Variants in TRIM24 observed in about 807,000 individuals in gnomAD.
TRIM24 encodes tripartite motif containing 24.
TRIM24 carries 29 observed loss-of-function variants against 123.9 expected under a neutral mutation model. The observed-to-expected ratio is 0.23, with a 90% CI of 0.17 to 0.32. The LOEUF (loss-of-function observed/expected upper bound fraction) is 0.32, where lower values mean the gene tolerates loss of function less well. Among genes scored for constraint, TRIM24 ranks in the 10% least tolerant of loss-of-function variants. The pLI is 1.00. For missense variants in TRIM24, 932 were observed against 1,295.3 expected, an observed-to-expected ratio of 0.72 and a Z score of 4.31; for synonymous variants, 456 against 461.1, an observed-to-expected ratio of 0.99 and a Z score of 0.14.
chr7:138,535,623 A>G (rs1796852871), intron 6 of TRIM24, among the ~76,000 whole-genome samples: 2 of 152,136 alleles, frequency 1.3e-5, no homozygotes, highest in Admixed American at 1.3e-4. Context: ...GGGTAAACCG[A>G]TCTTTCTCTC....
intron 1 of TRIM24, among the ~76,000 whole-genome samples, chr7:138,492,581 A>G (rs1795818270): frequency 6.6e-6 from 1 of 152,156 alleles, no homozygotes; most frequent in Admixed American, 6.5e-5. Flanking sequence ...ACCAGAATCA[A>G]CTTGCAGTCT....
intron 1 of TRIM24, among the ~76,000 whole-genome samples, chr7:138,474,360 C>T (rs570898255): frequency 1.5e-4 from 22 of 151,384 alleles, no homozygotes; most frequent in African/African-American, 5.1e-4. Flanking sequence ...CTCCTGACCT[C>T]GTGATCTACC....
intron 4 of TRIM24, among the ~76,000 whole-genome samples, chr7:138,523,993 C>T (rs1046847731): frequency 1.3e-5 from 2 of 152,068 alleles, no homozygotes; most frequent in Middle Eastern, 6.8e-3. Context: ...CCTTAAATCT[C>T]GTAGTATTGT....
chr7:138,492,833 G>T (rs1222303267), intron 1 of TRIM24, among the ~76,000 whole-genome samples: 2 of 152,148 alleles, frequency 1.3e-5, no homozygotes, highest in African/African-American at 2.4e-5. Flanking sequence ...AAGTTTTTAG[G>T]TATTAATTAT....
chr7:138,581,635 A>T, intron 16 of TRIM24, 62 bp from the exon 17 acceptor site: 1 of 1,400,424 alleles, frequency 7.1e-7, no homozygotes, highest in Non-Finnish European at 9.9e-7. Context: ...TGTTATTTAA[A>T]ATAAGCTGTG....
intron 8 of TRIM24, among the ~76,000 whole-genome samples, chr7:138,553,152 G>C (rs2116633567): frequency 6.6e-6 from 1 of 152,232 alleles, no homozygotes; most frequent in East Asian, 1.9e-4. Flanking sequence ...TTTACTGTAG[G>C]ATTTCTTAGA....
intron 1 of TRIM24, among the ~76,000 whole-genome samples, chr7:138,482,739 A>G (rs1795556626): frequency 6.6e-6 from 1 of 152,158 alleles, no homozygotes; most frequent in Non-Finnish European, 1.5e-5. Context: ...CCTGGTAAAT[A>G]TAAATACAAA....
intron 1 of TRIM24, among the ~76,000 whole-genome samples, chr7:138,463,984 T>G (rs1157643208): frequency 7.7e-6 from 1 of 129,698 alleles, no homozygotes; most frequent in African/African-American, 3.0e-5. Flanking sequence ...AAGCAAAAAT[T>G]TAGACTTTTT....
chr7:138,468,413 T>C (rs1795198743), intron 1 of TRIM24, among the ~76,000 whole-genome samples: 2 of 152,338 alleles, frequency 1.3e-5, no homozygotes, highest in Middle Eastern at 3.4e-3. Context: ...GAAATGTTCT[T>C]TGCTTCCTAT....
intron 2 of TRIM24, among the ~76,000 whole-genome samples, chr7:138,508,680 TGTGTGTGTGTGTGCGC>T: frequency 1.0e-5 from 1 of 97,110 alleles, no homozygotes; most frequent in East Asian, 2.3e-4. Flanking sequence ...TGTGTGTGTG[TGTGTGTGTGTGTGCGC>T]GCGCGTGTGT....
At chr7:138,482,651 A>G (rs955435053) in intron 1 of TRIM24, among the ~76,000 whole-genome samples, 1 of 152,218 alleles carries the variant, frequency 6.6e-6, no homozygotes, top group African/African-American at 2.4e-5. Context: ...TCTTCTCTTA[A>G]AGTTTTTCTA....
At chr7:138,582,951 CTTGAA>C (rs1797934372) in intron 17 of TRIM24, among the ~76,000 whole-genome samples, 1 of 152,162 alleles carries the variant, frequency 6.6e-6, no homozygotes, top group South Asian at 2.1e-4. Context: ...AAAATGTAAC[CTTGAA>C]TTGTACTTTT....
chr7:138,515,136 A>G (rs1228456031), intron 2 of TRIM24, 76 bp from the exon 3 acceptor site: 2 of 1,468,990 alleles, frequency 1.4e-6, no homozygotes, highest in East Asian at 2.3e-5. Flanking sequence ...CAATTGGTGT[A>G]TCATGTACGC....
chr7:138,548,598 T>C (rs1797147387), intron 7 of TRIM24, among the ~76,000 whole-genome samples: 1 of 152,212 alleles, frequency 6.6e-6, no homozygotes, highest in Non-Finnish European at 1.5e-5. Flanking sequence ...CTACATTAAA[T>C]TTATTTGAAA....
At chr7:138,565,144 G>A (rs1797509862) in intron 9 of TRIM24, among the ~76,000 whole-genome samples, 1 of 152,068 alleles carries the variant, frequency 6.6e-6, no homozygotes, top group Non-Finnish European at 1.5e-5. Context: ...CCCCGCATTG[G>A]TTCCTCCTGG....
chr7:138,477,624 T>C (rs1275956465), intron 1 of TRIM24, among the ~76,000 whole-genome samples: 1 of 152,214 alleles, frequency 6.6e-6, no homozygotes, highest in African/African-American at 2.4e-5. Flanking sequence ...GTATGCTATA[T>C]TGTAAGCACA....
rs1233328984 is a variant in TRIM24 at position 138,551,056 on chromosome 7, C to A, written c.1144-7C>A. The A allele has an allele frequency of 1.2e-6, 2 of 1,608,348 alleles. No individual in the cohort carries two copies. Among genetic ancestry groups the A allele is most frequent in the Non-Finnish European group, 1.7e-6 (2 of 1,176,930 alleles). Reference sequence around the variant, plus strand: ...TAATATTTAGTTATCTCTCCTTTTTCTTCTAGATTACATACCGGTTACGGC... The same window carrying A: ...TAATATTTAGTTATCTCTCCTTTTTATTCTAGATTACATACCGGTTACGGC... On this transcript the variant is annotated splice_polypyrimidine_tract_variant and splice_region_variant and intron_variant, in intron 7 of 18. Coordinates refer to ENST00000343526, the MANE Select transcript of TRIM24 (RefSeq NM_015905.3).
chr7:138,545,413 A>T, intron 7 of TRIM24: 1 of 456,774 alleles, frequency 2.2e-6, no homozygotes, highest in South Asian at 1.5e-5. Context: ...TGAGTAAATA[A>T]GTAAATGGAT....
At chr7:138,528,650 A>G (rs1796662180) in intron 5 of TRIM24, among the ~76,000 whole-genome samples, 1 of 152,054 alleles carries the variant, frequency 6.6e-6, no homozygotes, top group Non-Finnish European at 1.5e-5. Flanking sequence ...ATTTAGGTGT[A>G]TGAATACTGT....
Sources: allele counts gnomAD v4.1 joint callset (sites outside exome capture counted in the v4.1 genomes callset), GRCh38; gene constraint gnomAD v4.1.1; transcripts MANE v1.5; gene names NCBI Gene and HGNC (gene_info 2026-07-23, HGNC 2026-07-21).